The following IARS2 variants were observed in gnomAD, a reference collection of about 807,000 sequenced individuals.
The protein encoded by IARS2 is isoleucyl-tRNA synthetase 2, mitochondrial.
Under a neutral mutation model 126.3 loss-of-function variants are expected in IARS2, and 56 were observed. The ratio of observed to expected loss-of-function variants is 0.44; its 90% CI spans 0.36 to 0.55. IARS2 has a LOEUF of 0.55. Ranked by LOEUF, IARS2 falls within the 20% of genes least tolerant of loss-of-function variation. The pLI is 0.00. For synonymous variants in IARS2, 407 were observed against 441.1 expected (o/e 0.92, Z 0.97); for missense variants, 1,127 against 1,245.9 (o/e 0.90, Z 1.44).
At chr1:220,108,607 G>A (rs1656730336) in intron 10 of IARS2, among the ~76,000 whole-genome samples, 1 of 151,896 alleles carries the variant, frequency 6.6e-6, no homozygotes, top group Admixed American at 6.6e-5. Flanking sequence ...GGACGGTCTC[G>A]ATCTCCTGAC....
intron 3 of IARS2, among the ~76,000 whole-genome samples, chr1:220,101,454 G>C (rs974427576): frequency 6.6e-6 from 1 of 152,108 alleles, no homozygotes; most frequent in African/African-American, 2.4e-5. Flanking sequence ...CTAGCACTTT[G>C]GGAGGCTGAG....
At position 220,147,789 on chromosome 1, in the gene IARS2, A is replaced by G; in HGVS notation, c.*154A>G. On this transcript the variant is annotated 3_prime_UTR_variant, in exon 23 of 23. Transcript: ENST00000366922. ...GAGTCAAAATCAGAATTATAGAAGA[A>G]GTATTTCCTGTAACTATAGAAAGAA... The G allele has an allele frequency of 1.5e-6, 1 of 666,466 alleles. No homozygotes were observed. The highest frequency in any genetic ancestry group is 1.8e-5 in the African/African-American group (1 of 55,336). 41.3% of individuals were successfully genotyped at this position (666,466 alleles called of 1,614,324 possible). A position where few individuals can be genotyped will look rare whatever the true frequency, so the allele number is the denominator to read the frequency against.
intron 15 of IARS2, 142 bp from the exon 16 acceptor site, chr1:220,136,657 GAAGAAAAGAA>G (rs1191491977): frequency 2.5e-6 from 1 of 396,044 alleles, no homozygotes; most frequent in Non-Finnish European, 4.4e-6. Flanking sequence ...AAAAAAAAGA[GAAGAAAAGAA>G]AAGAAAAGGT....
intron 10 of IARS2, 49 bp downstream of exon 10, chr1:220,107,200 A>C: frequency 8.2e-7 from 1 of 1,221,316 alleles, no homozygotes; most frequent in Non-Finnish European, 1.2e-6. Context: ...AAAAGTAGGT[A>C]GCAGTAACCT....
chr1:220,131,768 G>A (rs1657272967), intron 14 of IARS2, among the ~76,000 whole-genome samples: 1 of 151,176 alleles, frequency 6.6e-6, no homozygotes, highest in Non-Finnish European at 1.5e-5. Flanking sequence ...TTACAGGCAT[G>A]AGCCACGATG....
chr1:220,145,697 A>G (rs772699338), intron 22 of IARS2, 44 bp downstream of exon 22: 10 of 1,541,470 alleles, frequency 6.5e-6, no homozygotes, highest in Admixed American at 1.8e-5. Context: ...GGAGAATTGA[A>G]TAATTATAGG....
Position 220,147,867 on chromosome 1 carries a change from A to C in IARS2, c.*232A>C. On this transcript the variant is annotated 3_prime_UTR_variant, in exon 23 of 23. Coordinates refer to ENST00000366922, the MANE Select transcript of IARS2 (RefSeq NM_018060.4). ...TATGTGTGTGTGTATCTGTGGATGG[A>C]TATATGTATATCTCTTCCTATATAT... 1.9e-6 allele frequency: 1 copy of C among 513,750 alleles called. No individual in the cohort carries two copies. The highest frequency in any genetic ancestry group is 3.4e-6 in the Non-Finnish European group (1 of 290,388). 31.8% of individuals were successfully genotyped at this position (513,750 alleles called of 1,614,324 possible).
intron 12 of IARS2, among the ~76,000 whole-genome samples, chr1:220,120,230 C>A (rs1013488273): frequency 6.6e-6 from 1 of 151,796 alleles, no homozygotes; most frequent in African/African-American, 2.4e-5. Flanking sequence ...TACAGGCTTG[C>A]GCCACTATGC....
intron 12 of IARS2, among the ~76,000 whole-genome samples, chr1:220,122,165 A>G (rs1657064377): frequency 6.6e-6 from 1 of 152,206 alleles, no homozygotes; most frequent in African/African-American, 2.4e-5. Context: ...CACTTTCTTT[A>G]GTTATTAGGA....
Position 220,141,960 on chromosome 1 carries a change from T to G in IARS2, c.2560+12T>G, listed in dbSNP as rs1263305747. 1.2e-5 allele frequency: 19 copies of G among 1,608,360 alleles called. No homozygotes were observed. Among genetic ancestry groups the G allele is most frequent in the Non-Finnish European group, 1.5e-5 (18 of 1,177,564 alleles). ...ACCTTATATTAAAGGTAAGGAATAC[T>G]TCATTTATTCTCTTAATGAGAAATA... On this transcript the variant is annotated intron_variant, in intron 20 of 22. Transcript: ENST00000366922.
chr1:220,135,978 T>C (rs1231075069), intron 15 of IARS2, among the ~76,000 whole-genome samples: 1 of 152,170 alleles, frequency 6.6e-6, no homozygotes, highest in Non-Finnish European at 1.5e-5. Flanking sequence ...TTGCTGTCTC[T>C]GTAGTTTGCT....
Position 220,143,032 on chromosome 1 carries a change from T to G in IARS2, c.2649T>G (p.Cys883Trp). 3.7e-6 allele frequency: 6 copies of G among 1,614,186 alleles called. No individual in the cohort carries two copies. Among genetic ancestry groups the G allele is most frequent in the Non-Finnish European group, 5.1e-6 (6 of 1,180,016 alleles). Residue 883 changes from cysteine to tryptophan, a missense_variant, in exon 21 of 23, where the codon TGT (cysteine) becomes TGG (tryptophan). Coordinates refer to ENST00000366922, the MANE Select transcript of IARS2 (RefSeq NM_018060.4). ...TGGAAGAAGCTGTGGAGAGTGCGTG[T>G]GCAATGCGAGACTCATTTCTTGGAA... ...PGLEEAVESA[C>W]AMRDSFLGSI...
intron 12 of IARS2, among the ~76,000 whole-genome samples, chr1:220,123,309 T>C (rs971066423): frequency 3.3e-5 from 5 of 152,144 alleles, no homozygotes; most frequent in African/African-American, 1.2e-4. Flanking sequence ...TGATTCACTG[T>C]CTTAGAAACA....
chr1:220,148,033 G>A lies in IARS2; in HGVS notation c.*398G>A. 1 of 371,654 alleles carries A rather than the reference G, an allele frequency of 2.7e-6. No individual in the cohort carries two copies. Among genetic ancestry groups the A allele is most frequent in the Non-Finnish European group, 4.8e-6 (1 of 208,290 alleles). 23.0% of individuals were successfully genotyped at this position (371,654 alleles called of 1,614,324 possible). On this transcript the variant is annotated 3_prime_UTR_variant, in exon 23 of 23. Transcript: ENST00000366922. Reference sequence around the variant, plus strand: ...ATGATACTGAAAATAAAGGCATTCTGGAAAAATACTGACTGATTTTGGTGC... The same window carrying A: ...ATGATACTGAAAATAAAGGCATTCTAGAAAAATACTGACTGATTTTGGTGC...
At chr1:220,107,318 T>G (rs542903976) in intron 10 of IARS2, among the ~76,000 whole-genome samples, 167 bp downstream of exon 10, 1 of 152,248 alleles carries the variant, frequency 6.6e-6, no homozygotes, top group African/African-American at 2.4e-5. Flanking sequence ...CATCTTTTGC[T>G]TTGAAGCTGC....
At chr1:220,130,038 A>G (rs1004125846) in intron 14 of IARS2, among the ~76,000 whole-genome samples, 1 of 152,134 alleles carries the variant, frequency 6.6e-6, no homozygotes, top group African/African-American at 2.4e-5. Context: ...CTTTTTGATA[A>G]TAGCCATTCT....
At chr1:220,144,688 G>A (rs1176114948) in intron 21 of IARS2, among the ~76,000 whole-genome samples, 2 of 152,128 alleles carry the variant, frequency 1.3e-5, no homozygotes, top group East Asian at 3.8e-4. Context: ...GTAATGAACT[G>A]AAAAGAAGAA....
At position 220,112,978 on chromosome 1, in the gene IARS2, T is replaced by TG. The variant is rs570436721; in HGVS notation, c.1480-1336_1480-1335insG. On this transcript the variant is annotated intron_variant, in intron 11 of 22. Transcript: ENST00000366922. Reference sequence around the variant, plus strand: ...TCCTGGGTTCAAGCAATTCCCTGCCTAAGCCTTCTGATTAGCTGGAATTAT... The same window carrying TG: ...TCCTGGGTTCAAGCAATTCCCTGCCTGAAGCCTTCTGATTAGCTGGAATTAT... Among the ~76,000 whole-genome samples the TG allele has an allele frequency of 3.9e-4, 59 of 152,272 alleles. 1 individual carries two copies. The East Asian group carries it at 0.011, about 28-fold the overall frequency.
chr1:220,144,649 T>C (rs938442089), intron 21 of IARS2, among the ~76,000 whole-genome samples: 1 of 152,152 alleles, frequency 6.6e-6, no homozygotes, highest in Non-Finnish European at 1.5e-5. Context: ...TCCTACATAC[T>C]GTGTTTCCTT....
Sources: gnomAD v4.1 joint callset for allele counts (sites outside exome capture counted in the v4.1 genomes callset) on GRCh38, gnomAD v4.1.1 for gene constraint, MANE v1.5 for transcripts, NCBI Gene and HGNC (gene_info 2026-07-23, HGNC 2026-07-21) for gene names.